BLTP3B: variants seen among roughly 807,000 people sequenced by gnomAD.
The protein encoded by BLTP3B is UHRF1 (ICBP90) binding protein 1-like.
chr12:100,076,388 CT>C, the BLTP3B span, among the ~76,000 whole-genome samples: 10,338 of 110,084 alleles, frequency 0.094, 205 homozygotes, highest in African/African-American at 0.16. Flanking sequence ...CCTCAGCAAT[CT>C]TTTTTTTTTT....
chr12:100,135,976 G>T, the BLTP3B span, among the ~76,000 whole-genome samples: 1 of 152,096 alleles, frequency 6.6e-6, no homozygotes, highest in African/African-American at 2.4e-5. Context: ...ACTTTGGGAG[G>T]CCAAAGTGGG....
chr12:100,091,781 A>C, the BLTP3B span, among the ~76,000 whole-genome samples: 2 of 150,848 alleles, frequency 1.3e-5, no homozygotes, highest in Non-Finnish European at 2.9e-5. Context: ...CGGGGATTAC[A>C]GGCGTGAGCC....
the BLTP3B span, among the ~76,000 whole-genome samples, chr12:100,124,936 T>TTATATATATATATA: frequency 6.9e-3 from 386 of 56,312 alleles, no homozygotes; most frequent in East Asian, 0.015. Flanking sequence ...AAAAAAAATT[T>TTATATATATATATA]TATATATATA....
At chr12:100,082,334 T>C in the BLTP3B span, among the ~76,000 whole-genome samples, 1 of 152,238 alleles carries the variant, frequency 6.6e-6, no homozygotes, top group Non-Finnish European at 1.5e-5. Flanking sequence ...TTTGTGAATA[T>C]TTTCTCCCAT....
At chr12:100,048,319 A>G in the BLTP3B span, 3 of 1,059,384 alleles carry the variant, frequency 2.8e-6, no homozygotes, top group Admixed American at 3.1e-5. Flanking sequence ...ATGATACTCT[A>G]TAGTACATAT....
At chr12:100,050,093 G>A in the BLTP3B span, 1 of 1,278,850 alleles carries the variant, frequency 7.8e-7, no homozygotes, top group Non-Finnish European at 1.0e-6. Flanking sequence ...AGATAGGATT[G>A]CTGGTGAGAC....
At chr12:100,117,362 T>C in the BLTP3B span, among the ~76,000 whole-genome samples, 2 of 152,220 alleles carry the variant, frequency 1.3e-5, no homozygotes, top group African/African-American at 4.8e-5. Flanking sequence ...AAAAGAGCTC[T>C]TAACTAACCT....
chr12:100,080,972 T>C, the BLTP3B span, among the ~76,000 whole-genome samples: 2 of 152,148 alleles, frequency 1.3e-5, no homozygotes, highest in Non-Finnish European at 2.9e-5. Flanking sequence ...GGGTCTTTCC[T>C]GTGCTGTTCT....
the BLTP3B span, among the ~76,000 whole-genome samples, chr12:100,043,972 T>C: frequency 6.6e-6 from 1 of 152,304 alleles, no homozygotes; most frequent in East Asian, 1.9e-4. Context: ...GAAGAAGGTA[T>C]GATTTATCTG....
At chr12:100,056,109 C>G in the BLTP3B span, among the ~76,000 whole-genome samples, 413 of 152,136 alleles carry the variant, frequency 2.7e-3, 1 homozygote, top group African/African-American at 9.6e-3. Context: ...TGAATGCGTC[C>G]CTTTGAAATT....
At chr12:100,122,938 C>A in the BLTP3B span, among the ~76,000 whole-genome samples, 1 of 152,076 alleles carries the variant, frequency 6.6e-6, no homozygotes, top group Non-Finnish European at 1.5e-5. Context: ...TGCTTTTCAC[C>A]CTCTCATCCT....
chr12:100,106,000 T>C, the BLTP3B span, among the ~76,000 whole-genome samples: 5 of 152,156 alleles, frequency 3.3e-5, no homozygotes, highest in African/African-American at 7.2e-5. Flanking sequence ...TAAAAACACA[T>C]TGAGACACCA....
At chr12:100,115,274 C>A in the BLTP3B span, among the ~76,000 whole-genome samples, 1 of 152,112 alleles carries the variant, frequency 6.6e-6, no homozygotes, top group African/African-American at 2.4e-5. Flanking sequence ...GATGTGGTGG[C>A]AGGCGCCTGT....
the BLTP3B span, among the ~76,000 whole-genome samples, chr12:100,076,674 G>A: frequency 2.9e-3 from 445 of 152,292 alleles, 1 homozygote; most frequent in African/African-American, 0.01. Flanking sequence ...GATTACAGGC[G>A]TGAGCCAACG....
the BLTP3B span, among the ~76,000 whole-genome samples, chr12:100,083,344 T>C: frequency 6.6e-6 from 1 of 152,140 alleles, no homozygotes; most frequent in Non-Finnish European, 1.5e-5. Flanking sequence ...CATGTCACAT[T>C]TAAGTTAGTC....
At chr12:100,081,975 G>A in the BLTP3B span, among the ~76,000 whole-genome samples, 1 of 152,110 alleles carries the variant, frequency 6.6e-6, no homozygotes, top group Non-Finnish European at 1.5e-5. Flanking sequence ...TAAATTCTTT[G>A]AGAAAACTCC....
At chr12:100,039,780 A>G in the BLTP3B span, 1 of 1,611,848 alleles carries the variant, frequency 6.2e-7, no homozygotes, top group African/African-American at 1.3e-5. Context: ...AGTGTTAAGC[A>G]TGTGAGAATC....
chr12:100,114,607 T>C, the BLTP3B span, among the ~76,000 whole-genome samples: 1 of 152,232 alleles, frequency 6.6e-6, no homozygotes, highest in Non-Finnish European at 1.5e-5. Context: ...TGTTTGATTT[T>C]ATTCAAAACA....
chr12:100,136,847 T>C, the BLTP3B span, among the ~76,000 whole-genome samples: 5 of 152,144 alleles, frequency 3.3e-5, no homozygotes, highest in African/African-American at 4.8e-5. Context: ...GTTTCGCTCT[T>C]GTTGCCCAGG....
Sources: gnomAD v4.1 joint callset for allele counts (sites outside exome capture counted in the v4.1 genomes callset) on GRCh38, gnomAD v4.1.1 for gene constraint, MANE v1.5 for transcripts, NCBI Gene and HGNC (gene_info 2026-07-23, HGNC 2026-07-21) for gene names.